Variants in MEGF11 observed in about 807,000 individuals in gnomAD.
MEGF11 encodes multiple EGF like domains 11.
In MEGF11, 126 loss-of-function variants were observed where a neutral mutation model predicts 146.6. That is an observed-to-expected ratio of 0.86 (90% CI 0.74 to 1.00). MEGF11 has a LOEUF of 1.00. Ranked by LOEUF, MEGF11 falls within the 50% of genes least tolerant of loss-of-function variation. The pLI, the probability that MEGF11 is intolerant of heterozygous loss-of-function variation, is 0.00. For synonymous variants in MEGF11, 532 were observed against 583.4 expected (o/e 0.91, Z 1.27); for missense variants, 1,509 against 1,521.2 (o/e 0.99, Z 0.13).
At chr15:66,126,560 AG>A (rs2088358645) in intron 2 of MEGF11, among the ~76,000 whole-genome samples, 1 of 152,234 alleles carries the variant, frequency 6.6e-6, no homozygotes, top group African/African-American at 2.4e-5. Context: ...GAGAAGTCAG[AG>A]GGGGCCCTCC....
At chr15:66,086,533 A>G (rs1159419723) in intron 5 of MEGF11, among the ~76,000 whole-genome samples, 1 of 152,202 alleles carries the variant, frequency 6.6e-6, no homozygotes, top group African/African-American at 2.4e-5. Flanking sequence ...AACAATTATC[A>G]GTCAAGAATT....
At chr15:65,960,378 A>G (rs1168615566) in intron 9 of MEGF11, among the ~76,000 whole-genome samples, 2 of 152,242 alleles carry the variant, frequency 1.3e-5, no homozygotes, top group African/African-American at 4.8e-5. Context: ...ACAGTTTGAG[A>G]AAAATTCCTC....
intron 1 of MEGF11, among the ~76,000 whole-genome samples, chr15:66,156,291 C>T (rs1466119786): frequency 6.6e-6 from 1 of 152,096 alleles, no homozygotes; most frequent in Non-Finnish European, 1.5e-5. Context: ...CTCCCACCAC[C>T]TTTCCACACC....
At chr15:66,141,610 T>G (rs1159974855) in intron 1 of MEGF11, among the ~76,000 whole-genome samples, 1 of 151,672 alleles carries the variant, frequency 6.6e-6, no homozygotes, top group Non-Finnish European at 1.5e-5. Flanking sequence ...ACATCCTAGA[T>G]GCACAAGAGA....
intron 5 of MEGF11, among the ~76,000 whole-genome samples, chr15:66,077,892 G>T (rs998539420): frequency 6.6e-6 from 1 of 152,204 alleles, no homozygotes. Flanking sequence ...AGGGAGATGA[G>T]GTTGAAAGCC....
chr15:66,037,600 G>A (rs1362891711), intron 5 of MEGF11, among the ~76,000 whole-genome samples: 1 of 152,194 alleles, frequency 6.6e-6, no homozygotes, highest in African/African-American at 2.4e-5. Context: ...CCCATCATAG[G>A]GTGGGGTGAG....
At chr15:66,118,837 G>A (rs1206254148) in intron 4 of MEGF11, among the ~76,000 whole-genome samples, 2 of 152,158 alleles carry the variant, frequency 1.3e-5, no homozygotes, top group Admixed American at 6.5e-5. Context: ...CCCCATCAAG[G>A]CCTTGAACTC....
intron 5 of MEGF11, among the ~76,000 whole-genome samples, chr15:66,021,222 A>T (rs926138870): frequency 2.6e-5 from 4 of 152,070 alleles, no homozygotes; most frequent in African/African-American, 9.7e-5. Context: ...GTCATAAGTC[A>T]GTCAATCAAT....
In MEGF11 at chr15:65,906,132, C is replaced by T. The variant is rs766132021; in HGVS notation, c.3008G>A (p.Gly1003Glu). Residue 1003 changes from glycine (G) to glutamate (E), a missense_variant, in exon 24 of 26, where the codon GGA becomes GAA. Transcript: ENST00000395614. Reference protein sequence around the residue: ...PAEPHSPGACGMDRRQNTYIM... With the variant: ...PAEPHSPGACEMDRRQNTYIM... Reference sequence around the variant, plus strand: ...GTATGTGTTCTGACGTCTATCCATTCCACAAGCACCTGTGTAAAAATAACA... The same window carrying T: ...GTATGTGTTCTGACGTCTATCCATTTCACAAGCACCTGTGTAAAAATAACA... The T allele has an allele frequency of 1.2e-5, 19 of 1,609,378 alleles. No homozygotes were observed. The highest frequency in any genetic ancestry group is 1.6e-4 in the Middle Eastern group (1 of 6,078).
rs2089005517 is a variant in MEGF11 at position 66,138,716 on chromosome 15, C to T, written c.-8-10305G>A. ...GGCCTAAGGATGGTCATTTAACCTC[C>T]CGGGCTCCCAGCTTCCTCTTCTGCA... On this transcript the variant is annotated intron_variant, in intron 1 of 25. Coordinates refer to ENST00000395614, the MANE Select transcript of MEGF11 (RefSeq NM_001385028.1). Among the ~76,000 whole-genome samples the T allele has an allele frequency of 2.0e-5, 3 of 152,280 alleles. No individual in the cohort carries two copies. The South Asian group carries it at 6.2e-4, about 32-fold the overall frequency.
intron 1 of MEGF11, among the ~76,000 whole-genome samples, chr15:66,199,972 C>G (rs370300427): frequency 9.2e-5 from 14 of 152,064 alleles, no homozygotes; most frequent in African/African-American, 3.4e-4. Context: ...CTATCAGCAG[C>G]CAATTACAAC....
chr15:66,083,296 AT>A (rs2085974151), intron 5 of MEGF11, among the ~76,000 whole-genome samples: 1 of 152,210 alleles, frequency 6.6e-6, no homozygotes, highest in South Asian at 2.1e-4. Context: ...ATAAATCTGT[AT>A]TTGTTTTAAC....
chr15:66,193,998 C>T (rs151080897), intron 1 of MEGF11, among the ~76,000 whole-genome samples: 18 of 152,186 alleles, frequency 1.2e-4, no homozygotes, highest in African/African-American at 3.4e-4. Context: ...CCCATTACTA[C>T]GTATCTATCC....
Position 66,110,928 on chromosome 15 carries a change from AGTCCCCTCCTCCCCCTCCAAACCTCCTC to A in MEGF11, c.301+8130_301+8157del. ...TTTGAGCTCAAACCAGTATAGCTTCAGTCCCCTCCTCCCCCTCCAAACCTCCTCCCCTGCCCTCTTGACTGACCCCACT... is the reference window on the plus strand; with the variant it reads ...TTTGAGCTCAAACCAGTATAGCTTCACCCTGCCCTCTTGACTGACCCCACT... On this transcript the variant is annotated intron_variant, in intron 4 of 25. Coordinates refer to ENST00000395614, the MANE Select transcript of MEGF11 (RefSeq NM_001385028.1). Among the ~76,000 whole-genome samples the A allele has an allele frequency of 8.5e-5, 13 of 152,204 alleles. No individual in the cohort carries two copies. In the South Asian group the frequency reaches 1.9e-3, roughly 22 times the overall value.
At chr15:66,173,408 C>T (rs967224660) in intron 1 of MEGF11, among the ~76,000 whole-genome samples, 3 of 152,236 alleles carry the variant, frequency 2.0e-5, no homozygotes, top group East Asian at 1.9e-4. Context: ...TTCCTCCTCC[C>T]GGTTTCAAGC....
chr15:65,985,016 G>A (rs952319560), intron 5 of MEGF11, among the ~76,000 whole-genome samples: 45 of 152,086 alleles, frequency 3.0e-4, no homozygotes, highest in Non-Finnish European at 4.9e-4. Context: ...TGATCCACCT[G>A]CCTCAGTCTC....
intron 10 of MEGF11, among the ~76,000 whole-genome samples, chr15:65,942,932 A>AAAAAC (rs543668360): frequency 8.0e-4 from 121 of 151,508 alleles, no homozygotes; most frequent in African/African-American, 2.7e-3. Flanking sequence ...CCATAGTGCT[A>AAAAAC]AAAACAAAAC....
At chr15:65,946,940 C>A (rs1033469654) in intron 10 of MEGF11, among the ~76,000 whole-genome samples, 12 of 152,276 alleles carry the variant, frequency 7.9e-5, no homozygotes, top group Admixed American at 7.8e-4. Context: ...TGACTGGCTT[C>A]CCTGGGCCTG....
In MEGF11 at chr15:66,007,085, T is replaced by C. The variant is rs188298742; in HGVS notation, c.395-24597A>G. Among the ~76,000 whole-genome samples, 375 of 152,378 alleles carry C rather than the reference T, an allele frequency of 2.5e-3. 1 individual carries two copies. Among genetic ancestry groups the C allele is most frequent in the African/African-American group, 8.7e-3 (361 of 41,592 alleles). On this transcript the variant is annotated intron_variant, in intron 5 of 25. Coordinates refer to ENST00000395614, the MANE Select transcript of MEGF11 (RefSeq NM_001385028.1). ...ATTCAGCGGCTGCACGCTGTTGACCTGCCTGGGGCTGAGGGTCCACCGTGC... is the reference window on the plus strand; with the variant it reads ...ATTCAGCGGCTGCACGCTGTTGACCCGCCTGGGGCTGAGGGTCCACCGTGC...
Sources: gnomAD v4.1 joint callset for allele counts (sites outside exome capture counted in the v4.1 genomes callset) on GRCh38, gnomAD v4.1.1 for gene constraint, MANE v1.5 for transcripts, NCBI Gene and HGNC (gene_info 2026-07-23, HGNC 2026-07-21) for gene names.